Variants in AGO2 observed in about 807,000 individuals in gnomAD.
The protein encoded by AGO2 is argonaute RISC catalytic component 2, also known as protein argonaute-2.
Under a neutral mutation model 102.3 loss-of-function variants are expected in AGO2, and 5 were observed. That is an observed-to-expected ratio of 0.05 (90% CI 0.03 to 0.10). The LOEUF (loss-of-function observed/expected upper bound fraction) is 0.10, where lower values mean the gene tolerates loss of function less well. Ranked by LOEUF, AGO2 falls within the 10% of genes least tolerant of loss-of-function variation. AGO2 has a pLI of 1.00. For synonymous variants in AGO2, 449 were observed against 473.1 expected (o/e 0.95, Z 0.66); for missense variants, 541 against 1,183.7 (o/e 0.46, Z 7.97).
At position 140,522,581 on chromosome 8, in the gene AGO2, A is replaced by G. The variant is rs992768165; in HGVS notation, c.*9463T>C. 7 of 151,056 alleles carry G rather than the reference A, an allele frequency of 4.6e-5. No individual in the cohort carries two copies. The highest frequency in any genetic ancestry group is 6.6e-5 in the Admixed American group (1 of 15,164). The allele number at this position is 151,056 out of a possible 1,614,324, so 9.4% of individuals were successfully genotyped here. ...AAAAAAAAACCCTGAAAAAGTCGCA[A>G]GACTTTTAGAACAGGTCTTTTTGAC... is the stretch of plus-strand genomic sequence containing the variant. On this transcript the variant is annotated 3_prime_UTR_variant, in exon 19 of 19. Transcript: ENST00000220592.
chr8:140,542,253 A>C (rs2072813796), intron 14 of AGO2, among the ~76,000 whole-genome samples: 2 of 152,322 alleles, frequency 1.3e-5, no homozygotes, highest in South Asian at 2.1e-4. Flanking sequence ...AAAGGTCCTT[A>C]AATTTTGAAA....
At chr8:140,587,437 C>T (rs888853432) in intron 1 of AGO2, among the ~76,000 whole-genome samples, 36 of 152,258 alleles carry the variant, frequency 2.4e-4, no homozygotes, top group Admixed American at 2.0e-3. Flanking sequence ...AGGAAGGCAA[C>T]TCCACTGCCA....
rs146338657 is a variant in AGO2 at position 140,570,942 on chromosome 8, C to T, written c.336+1870G>A. Among the ~76,000 whole-genome samples the T allele has an allele frequency of 6.6e-5, 10 of 152,314 alleles. 1 individual carries two copies. Among genetic ancestry groups the T allele is most frequent in the African/African-American group, 2.4e-4 (10 of 41,566 alleles). Reference sequence around the variant, plus strand: ...TGCCCGCCTTGTGTGTAAATATAAACATATACAGACAAAACTGTGCACAAA... The same window carrying T: ...TGCCCGCCTTGTGTGTAAATATAAATATATACAGACAAAACTGTGCACAAA... On this transcript the variant is annotated intron_variant, in intron 3 of 18. Transcript: ENST00000220592.
intron 14 of AGO2, 122 bp downstream of exon 14, chr8:140,544,091 C>T: frequency 1.9e-6 from 2 of 1,077,666 alleles, no homozygotes; most frequent in Non-Finnish European, 2.6e-6. Context: ...GCCGTCCCTA[C>T]CGCAGCTTAG....
rs2073161398 is a variant in AGO2, at chr8:140,559,535, G to A, written c.656-6C>T. On this transcript the variant is annotated splice_region_variant and splice_polypyrimidine_tract_variant and intron_variant, in intron 5 of 18. Transcript: ENST00000220592. ...GTAAAACGCTGTTGCTGACACTGTA[G>A]GCGAGAAAAGAGGCAAAGGCCTAAG... 6.2e-7 allele frequency: 1 copy of A among 1,613,822 alleles called. No homozygotes were observed. Among genetic ancestry groups the A allele is most frequent in the South Asian group, 1.1e-5 (1 of 91,076 alleles).
chr8:140,623,551 T>C (rs2074240198), intron 1 of AGO2, among the ~76,000 whole-genome samples: 1 of 152,172 alleles, frequency 6.6e-6, no homozygotes, highest in South Asian at 2.1e-4. Context: ...GGGTCACACC[T>C]GGACCTAGCA....
chr8:140,626,019 CT>C (rs978211280), intron 1 of AGO2, among the ~76,000 whole-genome samples: 44 of 152,364 alleles, frequency 2.9e-4, no homozygotes, highest in Admixed American at 1.2e-3. Context: ...CAAGGCCCCC[CT>C]GCCCCAGTCA....
intron 13 of AGO2, among the ~76,000 whole-genome samples, chr8:140,546,782 G>T (rs1188050236): frequency 6.6e-6 from 1 of 152,238 alleles, no homozygotes; most frequent in Non-Finnish European, 1.5e-5. Context: ...GGTTGGCAAA[G>T]ATGCCTGTCA....
chr8:140,625,000 T>C (rs1251712982), intron 1 of AGO2, among the ~76,000 whole-genome samples: 2 of 152,086 alleles, frequency 1.3e-5, no homozygotes, highest in Non-Finnish European at 2.9e-5. Context: ...AGCAGCCTCC[T>C]CCAGGAAGGC....
rs919718789 is a variant in AGO2, at chr8:140,528,830, C to T, written c.*3214G>A. 2 of 152,138 alleles carry T rather than the reference C, an allele frequency of 1.3e-5. No individual in the cohort carries two copies. The highest frequency in any genetic ancestry group is 6.5e-5 in the Admixed American group (1 of 15,270). 9.4% of individuals were successfully genotyped at this position (152,138 alleles called of 1,614,324 possible). ...CAACAGGACGGTGGCTTTGCGTCAC[C>T]GAAGGGCTCACACACGAGGGCAGCT... On this transcript the variant is annotated 3_prime_UTR_variant, in exon 19 of 19. Coordinates refer to ENST00000220592, the MANE Select transcript of AGO2 (RefSeq NM_012154.5). The surrounding 1 kb of genome is among the most constrained non-coding windows in gnomAD (Gnocchi z 4.5).
intron 1 of AGO2, among the ~76,000 whole-genome samples, chr8:140,590,755 C>G (rs1349449267): frequency 6.6e-6 from 1 of 152,206 alleles, no homozygotes; most frequent in Non-Finnish European, 1.5e-5. Flanking sequence ...CAGCTGATGC[C>G]ACCAAGGGGG....
chr8:140,616,588 CAT>C (rs1337096780), intron 1 of AGO2, among the ~76,000 whole-genome samples: 1 of 152,198 alleles, frequency 6.6e-6, no homozygotes, highest in Admixed American at 6.5e-5. Flanking sequence ...CATATTAGCA[CAT>C]GGGTATTATT....
intron 10 of AGO2, among the ~76,000 whole-genome samples, chr8:140,553,598 G>C (rs529121891): frequency 6.6e-6 from 1 of 151,166 alleles, no homozygotes; most frequent in African/African-American, 2.4e-5. Context: ...TAGTAGAGAC[G>C]GGATTTCTCC....
rs1218956505 is a variant in AGO2 at position 140,597,485 on chromosome 8, C to A, written c.23-12174G>T. ...TGGGTGGCCCCCCCACCCCCCCCCCCCCGCCCCAGGCCTCCCTGCCTGAGT... is the reference window on the plus strand; with the variant it reads ...TGGGTGGCCCCCCCACCCCCCCCCCACCGCCCCAGGCCTCCCTGCCTGAGT... On this transcript the variant is annotated intron_variant, in intron 1 of 18. Transcript: ENST00000220592. 5.7e-5 allele frequency among the ~76,000 whole-genome samples: 8 copies of A among 139,544 alleles called. 1 individual carries two copies. The highest frequency in any genetic ancestry group is 7.1e-5 in the Admixed American group (1 of 14,158). 91.5% of individuals were successfully genotyped at this position (139,544 alleles called of 152,430 possible). A position where few individuals can be genotyped will look rare whatever the true frequency, so the allele number is the denominator to read the frequency against.
At chr8:140,578,582 C>T (rs924946226) in intron 2 of AGO2, among the ~76,000 whole-genome samples, 4 of 152,236 alleles carry the variant, frequency 2.6e-5, no homozygotes, top group African/African-American at 9.6e-5. Context: ...CTGCTGGCCA[C>T]CCAGGTCTCA....
intron 2 of AGO2, 118 bp downstream of exon 2, chr8:140,585,001 G>T: frequency 1.0e-6 from 1 of 1,003,024 alleles, no homozygotes; most frequent in South Asian, 2.4e-5. Context: ...AAATGCAGCT[G>T]AAACGTTCTG....
chr8:140,635,797 C>A (rs2074402094), upstream of AGO2, among the ~76,000 whole-genome samples: 1 of 125,936 alleles, frequency 7.9e-6, no homozygotes, highest in African/African-American at 2.9e-5. Context: ...TCCGCGGCGG[C>A]GGCGGCGGCG....
intron 3 of AGO2, among the ~76,000 whole-genome samples, chr8:140,570,029 C>T (rs1025027041): frequency 6.6e-6 from 1 of 152,206 alleles, no homozygotes; most frequent in Non-Finnish European, 1.5e-5. Context: ...CACTGGGACA[C>T]GATGCGAGAA....
intron 1 of AGO2, among the ~76,000 whole-genome samples, chr8:140,605,142 C>G (rs1343398094): frequency 6.6e-6 from 1 of 152,124 alleles, no homozygotes; most frequent in Non-Finnish European, 1.5e-5. Context: ...CTTACTGAAG[C>G]TGGAATGCAG....
Sources: allele counts gnomAD v4.1 joint callset (sites outside exome capture counted in the v4.1 genomes callset), GRCh38; gene constraint gnomAD v4.1.1; non-coding constraint Gnocchi (gnomAD v3.1); transcripts MANE v1.5; gene names NCBI Gene and HGNC (gene_info 2026-07-23, HGNC 2026-07-21).